The following TIPIN variants were observed in gnomAD, a reference collection of about 807,000 sequenced individuals.
TIPIN encodes TIMELESS-interacting protein.
Under a neutral mutation model 35.6 loss-of-function variants are expected in TIPIN, and 29 were observed. The observed-to-expected ratio is 0.82, with a 90% CI of 0.61 to 1.11. TIPIN has a LOEUF of 1.11. Among genes scored for constraint, TIPIN ranks in the 50% most tolerant of loss-of-function variants. TIPIN has a pLI of 0.00. For synonymous variants in TIPIN, 102 were observed against 121.5 expected, an observed-to-expected ratio of 0.84 and a Z score of 1.06; for missense variants, 296 against 345.4, an observed-to-expected ratio of 0.86 and a Z score of 1.13.
At chr15:66,368,350 T>A (rs962445720) in intron 1 of TIPIN, among the ~76,000 whole-genome samples, 9 of 147,226 alleles carry the variant, frequency 6.1e-5, no homozygotes, top group African/African-American at 2.3e-4. Context: ...CAAGACCTCA[T>A]CTTTACAAAA....
chr15:66,353,261 A>G (rs73486083), intron 1 of TIPIN, among the ~76,000 whole-genome samples: 10,500 of 152,148 alleles, frequency 0.069, 1,201 homozygotes, highest in African/African-American at 0.24. Flanking sequence ...CTGTGATCCA[A>G]TAGGGTATGA....
At position 66,380,935 on chromosome 15, in the gene TIPIN, G is replaced by A. The variant is rs146209354; in HGVS notation, c.-9+5672C>T. 3.2e-3 allele frequency among the ~76,000 whole-genome samples: 492 copies of A among 152,160 alleles called. 3 individuals carry two copies. The highest frequency in any genetic ancestry group is 0.011 in the African/African-American group (468 of 41,506). Reference sequence around the variant, plus strand: ...TTTCTTGTCCAGTATTTAATCATACGGGTGTGTCATAAATGATGTAATCAT... The same window carrying A: ...TTTCTTGTCCAGTATTTAATCATACAGGTGTGTCATAAATGATGTAATCAT... On this transcript the variant is annotated intron_variant, in intron 1 of 7. Coordinates refer to the TIPIN transcript ENST00000562124.
At chr15:66,349,265 A>G in intron 5 of TIPIN, 50 bp downstream of exon 5, 1 of 1,608,086 alleles carries the variant, frequency 6.2e-7, no homozygotes, top group South Asian at 1.1e-5. Flanking sequence ...AACTAAATCT[A>G]CCCTACCATT....
In TIPIN at chr15:66,382,062, C is replaced by CAA. The variant is rs35299889; in HGVS notation, c.-9+4543_-9+4544dup. On this transcript the variant is annotated intron_variant, in intron 1 of 7. Coordinates refer to the TIPIN transcript ENST00000562124. ...CTGGGCGATGAGTGAAACTCTGTCT[C>CAA]AAAAAAAAAAATTATTCTTCTAGCA... Among the ~76,000 whole-genome samples, 54 of 150,332 alleles carry CAA rather than the reference C, an allele frequency of 3.6e-4. 1 individual carries two copies. The highest frequency in any genetic ancestry group is 3.4e-3 in the Middle Eastern group (1 of 292).
chr15:66,351,941 A>C (rs1206245722), intron 3 of TIPIN, among the ~76,000 whole-genome samples, 188 bp downstream of exon 3: 1 of 151,956 alleles, frequency 6.6e-6, no homozygotes, highest in Non-Finnish European at 1.5e-5. Context: ...GCCCAGCCTA[A>C]TTTCAAGTTT....
Position 66,373,404 on chromosome 15 carries a change from A to C in TIPIN, c.-9+13203T>G, listed in dbSNP as rs78064811. Among the ~76,000 whole-genome samples, 770 of 152,106 alleles carry C rather than the reference A, an allele frequency of 5.1e-3. 7 individuals are homozygous for C. The highest frequency in any genetic ancestry group is 0.018 in the African/African-American group (739 of 41,512). On this transcript the variant is annotated intron_variant, in intron 1 of 7. Coordinates refer to the TIPIN transcript ENST00000562124. ...GCTACTCGGGAGGCCGAGGCAGCAG[A>C]ATGGCATGAACCCGGGAGGCGGAGC...
At chr15:66,370,401 A>G (rs2093273441) in intron 1 of TIPIN, among the ~76,000 whole-genome samples, 1 of 152,038 alleles carries the variant, frequency 6.6e-6, no homozygotes, top group African/African-American at 2.4e-5. Context: ...GGCTCTCAAA[A>G]TAACCTAGTG....
chr15:66,363,440 G>A (rs946176259), intron 1 of TIPIN, among the ~76,000 whole-genome samples: 7 of 151,872 alleles, frequency 4.6e-5, no homozygotes, highest in Non-Finnish European at 7.4e-5. Context: ...TCAGGAGATC[G>A]AGACCATCCT....
chr15:66,359,350 T>G (rs1413538893), upstream of TIPIN, among the ~76,000 whole-genome samples: 1 of 151,862 alleles, frequency 6.6e-6, no homozygotes, highest in African/African-American at 2.4e-5. Context: ...ATAAATTTAG[T>G]TTTTTTTGTT....
At chr15:66,371,639 G>A (rs934925340) in intron 1 of TIPIN, among the ~76,000 whole-genome samples, 3 of 151,670 alleles carry the variant, frequency 2.0e-5, no homozygotes, top group South Asian at 2.1e-4. Flanking sequence ...TCAGCCTCCT[G>A]AGTAGCTGGG....
intron 1 of TIPIN, among the ~76,000 whole-genome samples, chr15:66,362,832 T>C (rs1295153022): frequency 6.6e-6 from 1 of 152,240 alleles, no homozygotes; most frequent in Non-Finnish European, 1.5e-5. Flanking sequence ...CTGAGTCTTC[T>C]TTATTGGCTA....
At chr15:66,351,076 G>A (rs2093164621) in intron 4 of TIPIN, among the ~76,000 whole-genome samples, 1 of 102,740 alleles carries the variant, frequency 9.7e-6, no homozygotes, top group South Asian at 3.7e-4. Flanking sequence ...ATTTCAAAAT[G>A]TGCATTTGTA....
intron 4 of TIPIN, among the ~76,000 whole-genome samples, chr15:66,350,835 T>G (rs957530553): frequency 6.8e-6 from 1 of 146,868 alleles, no homozygotes; most frequent in Non-Finnish European, 1.5e-5. Flanking sequence ...CTCGGGAGGC[T>G]AAGGCAGGAG....
chr15:66,383,798 A>T (rs1006942031), intron 1 of TIPIN: 1 of 158,018 alleles, frequency 6.3e-6, no homozygotes, highest in Non-Finnish European at 1.4e-5. Flanking sequence ...ACCATAGTTA[A>T]TAACATTGTA....
chr15:66,373,034 G>T (rs2093283144), intron 1 of TIPIN, among the ~76,000 whole-genome samples: 1 of 152,172 alleles, frequency 6.6e-6, no homozygotes, highest in African/African-American at 2.4e-5. Flanking sequence ...TTGTAGCCTA[G>T]GAGCAATAGG....
At chr15:66,356,521 C>T (rs2093205098) in intron 1 of TIPIN, 118 bp downstream of exon 1, 1 of 835,662 alleles carries the variant, frequency 1.2e-6, no homozygotes, top group Non-Finnish European at 1.4e-6. Context: ...CCCCTTCCTG[C>T]GACAATTAGG....
chr15:66,337,781 A>AAAAAAAAAAAAAAAAT (rs1566969375), intron 7 of TIPIN, among the ~76,000 whole-genome samples: 1 of 62,852 alleles, frequency 1.6e-5, no homozygotes, highest in Non-Finnish European at 4.3e-5. Flanking sequence ...AAAATAAAAT[A>AAAAAAAAAAAAAAAAT]AAAAAAAAAA....
At chr15:66,337,319 T>A in intron 7 of TIPIN, 138 bp from the exon 8 acceptor site, 1 of 558,120 alleles carries the variant, frequency 1.8e-6, no homozygotes, top group Non-Finnish European at 2.9e-6. Flanking sequence ...CACTTTCTTC[T>A]AAATATATCT....
chr15:66,379,138 C>T, intron 1 of TIPIN: 1 of 658,014 alleles, frequency 1.5e-6, no homozygotes, highest in Non-Finnish European at 2.4e-6. Context: ...ATTGTCCCGC[C>T]TCTGCCTCCC....
Sources: gnomAD v4.1 joint callset for allele counts (sites outside exome capture counted in the v4.1 genomes callset) on GRCh38, gnomAD v4.1.1 for gene constraint, MANE v1.5 for transcripts, NCBI Gene and HGNC (gene_info 2026-07-23, HGNC 2026-07-21) for gene names.